The following SURF2 variants were observed in gnomAD, a reference collection of about 807,000 sequenced individuals.
The protein encoded by SURF2 is surfeit locus protein 2.
SURF2 carries 32 observed loss-of-function variants against 26.2 expected under a neutral mutation model. The ratio of observed to expected loss-of-function variants is 1.22; its 90% CI spans 0.92 to 1.64. The LOEUF is 1.64. SURF2 is among the 40% of genes most tolerant of loss of function. SURF2 has a pLI of 0.00. For synonymous variants in SURF2, 173 were observed against 139.1 expected, an observed-to-expected ratio of 1.24 and a Z score of -1.71; for missense variants, 415 against 341.6, an observed-to-expected ratio of 1.21 and a Z score of -1.69.
Position 133,356,860 on chromosome 9 carries a change from CCAGGGAG to C in SURF2, c.79-52_79-46del, listed in dbSNP as rs2130030629. On this transcript the variant is annotated intron_variant, in intron 1 of 5. Transcript: ENST00000371964. ...GAAGGGGGCGCGGCAGGAGGGGGCA[CCAGGGAG>C]CGGAGCCCTGGCCCTCCTGACGTCC... 44 of 1,491,018 alleles carry C rather than the reference CCAGGGAG, an allele frequency of 3.0e-5. No homozygotes were observed. The African/African-American group carries it at 5.5e-4, about 19-fold the overall frequency. 92.4% of individuals were successfully genotyped at this position (1,491,018 alleles called of 1,614,324 possible).
Position 133,356,645 on chromosome 9 carries a change from T to G in SURF2, c.53T>G (p.Leu18Arg). 1 of 1,526,468 alleles carries G rather than the reference T, an allele frequency of 6.6e-7. No homozygotes were observed. The highest frequency in any genetic ancestry group is 2.5e-5 in the East Asian group (1 of 39,774). The allele number at this position is 1,526,468 out of a possible 1,614,324, so 94.6% of individuals were successfully genotyped here. A position where few individuals can be genotyped will look rare whatever the true frequency, so the allele number is the denominator to read the frequency against. The change falls in exon 1 of 6, where the codon CTG (leucine) becomes CGG (arginine). Residue 18 changes from leucine (L) to arginine (R), a missense_variant. Leu to Arg is a moderately radical substitution (Grantham distance 102). Transcript: ENST00000371964. The part of the protein sequence containing the change: ...VRAFLREHPS[L>R]RLQTDARKVR... ...GCGTTTCTGCGGGAGCACCCGAGCC[T>G]GCGGCTCCAGACGGACGCCCGCAAG...
chr9:133,357,611 G>A, intron 2 of SURF2, 100 bp from the exon 3 acceptor site: 2 of 1,150,792 alleles, frequency 1.7e-6, no homozygotes, highest in Non-Finnish European at 2.5e-6. Flanking sequence ...CGATGTCCAA[G>A]CCGCATGGTA....
chr9:133,360,600 G>A (rs2130053304), intron 5 of SURF2, among the ~76,000 whole-genome samples, 166 bp downstream of exon 5: 7 of 152,252 alleles, frequency 4.6e-5, no homozygotes, highest in Non-Finnish European at 1.0e-4. Flanking sequence ...GGCCGTGAGT[G>A]CCTACCATTG....
Position 133,360,146 on chromosome 9 carries a change from C to T in SURF2, c.517+17C>T. On this transcript the variant is annotated intron_variant, in intron 4 of 5. Coordinates refer to ENST00000371964, the MANE Select transcript of SURF2 (RefSeq NM_017503.5). ...TGTACCCACGTAAGCAGAACAGGCCCTGCTTCTCCCTGACCCTCTACTGTC... is the reference window on the plus strand; with the variant it reads ...TGTACCCACGTAAGCAGAACAGGCCTTGCTTCTCCCTGACCCTCTACTGTC... 1 of 1,592,462 alleles carries T rather than the reference C, an allele frequency of 6.3e-7. No homozygotes were observed.
intron 3 of SURF2, 102 bp from the exon 4 acceptor site, chr9:133,359,848 G>A (rs1836706528): frequency 7.3e-7 from 1 of 1,370,342 alleles, no homozygotes; most frequent in Admixed American, 2.6e-5. Context: ...AGGGCGGTGG[G>A]GCTGTGGGGC....
chr9:133,357,666 C>G, intron 2 of SURF2, 45 bp from the exon 3 acceptor site: 1 of 1,581,846 alleles, frequency 6.3e-7, no homozygotes, highest in South Asian at 1.1e-5. Context: ...AGTCTGAATC[C>G]TTGCTGTGAA....
intron 1 of SURF2, 39 bp downstream of exon 1, chr9:133,356,709 G>A (rs2130029709): frequency 3.3e-6 from 5 of 1,493,960 alleles, no homozygotes; most frequent in Non-Finnish European, 4.4e-6. Context: ...GCGGAGAAGG[G>A]CGCAGTTGGG....
rs1836728171 is a variant in SURF2, at chr9:133,360,272, A to G, written c.525A>G (p.Leu175=). 2 of 1,613,840 alleles carry G rather than the reference A, an allele frequency of 1.2e-6. No homozygotes were observed. The highest frequency in any genetic ancestry group is 1.3e-5 in the African/African-American group (1 of 75,022). ...TCCCTGTGTTCCTCCCAGCTGAGCT[A>G]TTCACCAGAAAGGACCTTGGAAGCA... ...DSMTDLYPPE[L]FTRKDLGSTE... is the part of the protein sequence containing the mutation. The change falls in exon 5 of 6, where the codon CTA becomes CTG. Residue 175 remains leucine (L), a synonymous_variant. Transcript: ENST00000371964.
At position 133,357,737 on chromosome 9, in the gene SURF2, T is replaced by C; in HGVS notation, c.260T>C (p.Leu87Pro). 3.1e-6 allele frequency: 5 copies of C among 1,613,830 alleles called. No individual in the cohort carries two copies. The highest frequency in any genetic ancestry group is 4.2e-6 in the Non-Finnish European group (5 of 1,180,022). ...CACCAGTTGTTCTGCAAACTCACCCTGCGGCACATCAACAAGTGCCCAGAA... is the reference window on the plus strand; with the variant it reads ...CACCAGTTGTTCTGCAAACTCACCCCGCGGCACATCAACAAGTGCCCAGAA... The part of the protein sequence containing the change: ...NPHQLFCKLT[L>P]RHINKCPEHV... The change falls in exon 3 of 6, where the codon CTG becomes CCG. Residue 87 changes from leucine (L) to proline (P), a missense_variant. Leu to Pro is a moderately conservative substitution (Grantham distance 98). Transcript: ENST00000371964.
At chr9:133,358,926 C>T (rs1019762636) in intron 3 of SURF2, among the ~76,000 whole-genome samples, 5 of 152,116 alleles carry the variant, frequency 3.3e-5, no homozygotes, top group East Asian at 1.9e-4. Context: ...CCAGCCCTCC[C>T]GAAGCATGAG....
At chr9:133,359,872 A>G in intron 3 of SURF2, 78 bp from the exon 4 acceptor site, 1 of 1,476,516 alleles carries the variant, frequency 6.8e-7, no homozygotes, top group Non-Finnish European at 9.1e-7. Context: ...GGCCGAGTGC[A>G]GTCCTCATAA....
At chr9:133,356,715 TTGGGATGAGGGGC>T in intron 1 of SURF2, 45 bp downstream of exon 1, 1 of 1,480,164 alleles carries the variant, frequency 6.8e-7, no homozygotes, top group Non-Finnish European at 8.9e-7. Context: ...AAGGGCGCAG[TTGGGATGAGGGGC>T]TGAGGGGAGG....
intron 5 of SURF2, 93 bp from the exon 6 acceptor site, chr9:133,360,963 G>A: frequency 7.5e-7 from 1 of 1,335,094 alleles, no homozygotes; most frequent in Non-Finnish European, 1.1e-6. Flanking sequence ...CGACACCTCT[G>A]AGGCTGTGTG....
intron 1 of SURF2, 70 bp from the exon 2 acceptor site, chr9:133,356,844 G>C: frequency 1.4e-6 from 2 of 1,460,454 alleles, no homozygotes; most frequent in Non-Finnish European, 1.8e-6. Context: ...GGAAGGGGGC[G>C]CGGCAGGAGG....
At chr9:133,359,298 G>A (rs1836687853) in intron 3 of SURF2, among the ~76,000 whole-genome samples, 1 of 152,176 alleles carries the variant, frequency 6.6e-6, no homozygotes, top group African/African-American at 2.4e-5. Context: ...CAGCCCTGGA[G>A]ATGGGCCGCC....
At chr9:133,359,066 T>C (rs1836682341) in intron 3 of SURF2, among the ~76,000 whole-genome samples, 2 of 151,918 alleles carry the variant, frequency 1.3e-5, no homozygotes, top group Non-Finnish European at 2.9e-5. Flanking sequence ...TGCTCAGGGG[T>C]GGGCAGGAAG....
In SURF2 at chr9:133,360,062, C is replaced by T. The variant is rs782204208; in HGVS notation, c.450C>T (p.Phe150=). The T allele has an allele frequency of 6.2e-7, 1 of 1,614,026 alleles. No homozygotes were observed. The highest frequency in any genetic ancestry group is 8.5e-7 in the Non-Finnish European group (1 of 1,179,950). The stretch of plus-strand genomic sequence containing the variant: ...ACGGGCCTCGCCCGCGGGAAGCCTT[C>T]TGGGAGCCCACATCCAGTGATGAGG... ...DGDGPRPREA[F]WEPTSSDEGG... Residue 150 remains phenylalanine (F), a synonymous_variant, in exon 4 of 6, where the codon TTC becomes TTT. Transcript: ENST00000371964.
At position 133,357,777 on chromosome 9, in the gene SURF2, C is replaced by A. The variant is rs2130036423; in HGVS notation, c.300C>A (p.His100Gln). Residue 100 changes from histidine to glutamine, a missense_variant, in exon 3 of 6, where the codon CAC (histidine) becomes CAA (glutamine). His to Gln is a conservative substitution (Grantham distance 24). Coordinates refer to ENST00000371964, the MANE Select transcript of SURF2 (RefSeq NM_017503.5). ...INKCPEHVLRHTQGRRYQRAL... is the reference protein window; with the variant it reads ...INKCPEHVLRQTQGRRYQRAL... ...AGTGCCCAGAACACGTGCTGAGGCA[C>A]ACCCAGGGCCGGCGGTACCAGCGAG... 1 of 1,613,770 alleles carries A rather than the reference C, an allele frequency of 6.2e-7. No individual in the cohort carries two copies. Among genetic ancestry groups the A allele is most frequent in the South Asian group, 1.1e-5 (1 of 91,092 alleles).
Position 133,361,078 on chromosome 9 carries a change from A to AG in SURF2, c.711dup (p.Lys238GlufsTer16), listed in dbSNP as rs2130057199. On this transcript the variant is annotated frameshift_variant, in exon 6 of 6. Coordinates refer to ENST00000371964, the MANE Select transcript of SURF2 (RefSeq NM_017503.5). LOFTEE classifies it high-confidence loss of function. ...CAGAAGCAGTTGGGCTCGTTGAAAA[A>AG]GAAGTTCAAGAGTCATCACCGCAAA... 1 of 1,614,152 alleles carries AG rather than the reference A, an allele frequency of 6.2e-7. No individual in the cohort carries two copies. The highest frequency in any genetic ancestry group is 8.5e-7 in the Non-Finnish European group (1 of 1,179,978).
Sources: gnomAD v4.1 joint callset for allele counts (sites outside exome capture counted in the v4.1 genomes callset) on GRCh38, gnomAD v4.1.1 for gene constraint, MANE v1.5 for transcripts, NCBI Gene and HGNC (gene_info 2026-07-23, HGNC 2026-07-21) for gene names.